EIF2AK4: variants seen among roughly 807,000 people sequenced by gnomAD.
EIF2AK4 encodes eukaryotic translation initiation factor 2 alpha kinase 4, also known as eIF-2-alpha kinase GCN2.
Under a neutral mutation model 211.1 loss-of-function variants are expected in EIF2AK4, and 139 were observed. That is an observed-to-expected ratio of 0.66 (90% CI 0.57 to 0.76). EIF2AK4 has a LOEUF of 0.76. Ranked by LOEUF, EIF2AK4 falls within the 30% of genes least tolerant of loss-of-function variation. The pLI, the probability that EIF2AK4 is intolerant of heterozygous loss-of-function variation, is 0.00. For synonymous variants in EIF2AK4, 710 were observed against 751.3 expected, an observed-to-expected ratio of 0.94 and a Z score of 0.90; for missense variants, 1,664 against 2,043.8, an observed-to-expected ratio of 0.81 and a Z score of 3.58.
In EIF2AK4 at chr15:39,953,724, C is replaced by T. The variant is rs985261147; in HGVS notation, c.514-180C>T. 3.9e-5 allele frequency among the ~76,000 whole-genome samples: 6 copies of T among 152,288 alleles called. No homozygotes were observed. In the East Asian group the frequency reaches 5.8e-4, roughly 15 times the overall value. On this transcript the variant is annotated intron_variant, in intron 4 of 38. Transcript: ENST00000263791. Reference sequence around the variant, plus strand: ...CCTGTTTAAATGGGAATGCCTATTGCGTAAGAACTCTGATAAAACTGATAG... The same window carrying T: ...CCTGTTTAAATGGGAATGCCTATTGTGTAAGAACTCTGATAAAACTGATAG...
chr15:39,938,066 G>A (rs2034092611), intron 1 of EIF2AK4, among the ~76,000 whole-genome samples: 1 of 152,096 alleles, frequency 6.6e-6, no homozygotes, highest in Admixed American at 6.5e-5. Flanking sequence ...ACCCCAAGTC[G>A]TTTGTTAAGG....
At chr15:39,938,541 T>G (rs2034099930) in intron 1 of EIF2AK4, among the ~76,000 whole-genome samples, 1 of 152,208 alleles carries the variant, frequency 6.6e-6, no homozygotes, top group South Asian at 2.1e-4. Flanking sequence ...GCTTTCTCTT[T>G]TCTGATGATA....
chr15:39,941,655 A>G (rs942697831), intron 2 of EIF2AK4, among the ~76,000 whole-genome samples: 2 of 152,216 alleles, frequency 1.3e-5, no homozygotes, highest in African/African-American at 4.8e-5. Flanking sequence ...GTCAAATACT[A>G]GAGTGAGGTT....
At chr15:40,005,494 C>G (rs2035147668) in intron 23 of EIF2AK4, among the ~76,000 whole-genome samples, 1 of 151,600 alleles carries the variant, frequency 6.6e-6, no homozygotes, top group Non-Finnish European at 1.5e-5. Flanking sequence ...AAGACCCTGT[C>G]TGAAAAACAA....
rs1037570316 is a variant in EIF2AK4 at position 39,955,734 on chromosome 15, G to A, written c.709G>A (p.Gly237Ser). 2.5e-6 allele frequency: 4 copies of A among 1,611,758 alleles called. No homozygotes were observed. The African/African-American group carries it at 5.3e-5, about 22-fold the overall frequency. ...AGGCTCTCCTGACTTTGTAGGAAAT[G>A]GTAAACATCGGGCAAACTCCTCAGG... ...HGGSPDFVGN[G>S]KHRANSSGRS... The change falls in exon 6 of 39, where the codon GGT becomes AGT. Residue 237 changes from glycine (G) to serine (S), a missense_variant. By Grantham distance (56) the Gly-to-Ser change is moderately conservative. This residue lies in a region of EIF2AK4 where 641 missense variants were observed against 729.6 expected (regional missense o/e 0.88). Coordinates refer to ENST00000263791, the MANE Select transcript of EIF2AK4 (RefSeq NM_001013703.4).
At chr15:39,942,153 ATATTCT>A (rs2034153977) in intron 2 of EIF2AK4, among the ~76,000 whole-genome samples, 1 of 152,156 alleles carries the variant, frequency 6.6e-6, no homozygotes, top group Non-Finnish European at 1.5e-5. Context: ...ATTTGGGGTA[ATATTCT>A]TATCCTTTTG....
intron 21 of EIF2AK4, 122 bp downstream of exon 21, chr15:40,001,346 C>T (rs1381579065): frequency 2.0e-5 from 19 of 971,110 alleles, no homozygotes; most frequent in Non-Finnish European, 2.8e-5. Flanking sequence ...TTGGAAGCCC[C>T]TAAAAGTACA....
chr15:40,029,300 A>C (rs536982804), intron 33 of EIF2AK4, 106 bp from the exon 34 acceptor site: 2 of 1,416,212 alleles, frequency 1.4e-6, no homozygotes, highest in Non-Finnish European at 1.8e-6. Context: ...AGATGTTTTT[A>C]TATTTAATGG....
chr15:40,026,162 A>C, intron 33 of EIF2AK4, 73 bp downstream of exon 33: 3 of 1,396,454 alleles, frequency 2.1e-6, no homozygotes, highest in Non-Finnish European at 3.0e-6. Context: ...TTTATTTTAA[A>C]AGTCAATTTG....
intron 32 of EIF2AK4, among the ~76,000 whole-genome samples, chr15:40,024,017 C>G (rs900221414): frequency 1.3e-5 from 2 of 152,160 alleles, no homozygotes; most frequent in African/African-American, 2.4e-5. Flanking sequence ...GCCCTCAAAG[C>G]TTAAAACATT....
intron 19 of EIF2AK4, among the ~76,000 whole-genome samples, chr15:39,998,494 A>G (rs1218509550): frequency 6.6e-6 from 1 of 152,056 alleles, no homozygotes; most frequent in Non-Finnish European, 1.5e-5. Flanking sequence ...AGGTGCAGAC[A>G]GCATTAGGAC....
At chr15:40,010,903 G>A (rs1211079371) in intron 26 of EIF2AK4, among the ~76,000 whole-genome samples, 2 of 152,142 alleles carry the variant, frequency 1.3e-5, no homozygotes, top group Admixed American at 1.3e-4. Flanking sequence ...CTGCGGCTAC[G>A]GCACATCTGC....
rs522933 is a variant in EIF2AK4 at position 39,967,303 on chromosome 15, G to A, written c.1018-41G>A. The A allele has an allele frequency of 0.48, 723,678 of 1,505,024 alleles. 176,980 individuals are homozygous for A. The highest frequency in any genetic ancestry group is 0.51 in the East Asian group (21,860 of 42,818). The allele number at this position is 1,505,024 out of a possible 1,614,324, so 93.2% of individuals were successfully genotyped here. ...TTGAAATGAAACCCAAGTTAATGTT[G>A]ACTGGCCCAATATTCTTTTTTTTTT... On this transcript the variant is annotated intron_variant, in intron 8 of 38. Transcript: ENST00000263791.
chr15:40,015,090 G>A (rs868388033), intron 27 of EIF2AK4, among the ~76,000 whole-genome samples: 5 of 152,098 alleles, frequency 3.3e-5, no homozygotes, highest in Admixed American at 6.6e-5. Flanking sequence ...CAGCATTTTG[G>A]TCAAAGCCAT....
At chr15:39,980,679 A>G (rs1024179440) in intron 13 of EIF2AK4, among the ~76,000 whole-genome samples, 7 of 152,154 alleles carry the variant, frequency 4.6e-5, no homozygotes, top group East Asian at 1.9e-4. Flanking sequence ...GACTGAATGC[A>G]ACAACTTTAT....
At chr15:39,976,977 G>T in intron 12 of EIF2AK4, 133 bp downstream of exon 12, 4 of 1,159,192 alleles carry the variant, frequency 3.5e-6, no homozygotes, top group Non-Finnish European at 4.5e-6. Context: ...TTGAGATAGG[G>T]TCTTGCTCTG....
At position 39,998,890 on chromosome 15, in the gene EIF2AK4, TGG is replaced by T. The variant is rs529593238; in HGVS notation, c.2922+108_2922+109del. ...TTCTGCCACTCATTCTCTTGTGTCC[TGG>T]GAACAACGTGGGGAAAAAATATGAA... On this transcript the variant is annotated intron_variant, in intron 20 of 38. Coordinates refer to ENST00000263791, the MANE Select transcript of EIF2AK4 (RefSeq NM_001013703.4). 4.4e-4 allele frequency: 408 copies of T among 928,536 alleles called. 7 individuals carry two copies. In the South Asian group the frequency reaches 6.5e-3, roughly 15 times the overall value. The allele number at this position is 928,536 out of a possible 1,614,324, so 57.5% of individuals were successfully genotyped here.
chr15:40,002,749 C>T lies in EIF2AK4; in HGVS notation c.3196C>T (p.His1066Tyr), dbSNP rs2035109664. 4 of 1,614,090 alleles carry T rather than the reference C, an allele frequency of 2.5e-6. No individual in the cohort carries two copies. The highest frequency in any genetic ancestry group is 2.5e-6 in the Non-Finnish European group (3 of 1,180,046). Residue 1066 changes from histidine to tyrosine, a missense_variant, in exon 22 of 39, where the codon CAT becomes TAT. This residue lies in a region of EIF2AK4 where 622 missense variants were observed against 796.8 expected (regional missense o/e 0.78). Transcript: ENST00000263791. ...FSIRTAKMQQ[H>Y]VCETIIRIFK... ...AATCCGTACAGCCAAGATGCAGCAG[C>T]ATGTGTGTGAAACCATCATCCGCAT...
intron 27 of EIF2AK4, among the ~76,000 whole-genome samples, chr15:40,014,419 C>T (rs370396487): frequency 3.3e-5 from 5 of 152,366 alleles, no homozygotes; most frequent in South Asian, 4.1e-4. Flanking sequence ...TCTTGTTTTC[C>T]GTGCATCTGC....
Sources: allele counts gnomAD v4.1 joint callset (sites outside exome capture counted in the v4.1 genomes callset), GRCh38; gene constraint gnomAD v4.1.1; regional missense constraint gnomAD v4.1.1; transcripts MANE v1.5; gene names NCBI Gene and HGNC (gene_info 2026-07-23, HGNC 2026-07-21).